MYT1: variants seen among roughly 807,000 people sequenced by gnomAD.
The protein encoded by MYT1 is myelin transcription factor 1.
Under a neutral mutation model 123.0 loss-of-function variants are expected in MYT1, and 23 were observed. That is an observed-to-expected ratio of 0.19 (90% CI 0.13 to 0.26). MYT1 has a LOEUF of 0.26. Among genes scored for constraint, MYT1 ranks in the 10% least tolerant of loss-of-function variants. MYT1 has a pLI of 1.00. For synonymous variants in MYT1, 518 were observed against 575.3 expected, an observed-to-expected ratio of 0.90 and a Z score of 1.43; for missense variants, 1,125 against 1,472.5, an observed-to-expected ratio of 0.76 and a Z score of 3.86.
chr20:64,195,665 G>C (rs928296305), intron 2 of MYT1, among the ~76,000 whole-genome samples: 1 of 151,964 alleles, frequency 6.6e-6, no homozygotes, highest in Admixed American at 6.6e-5. Context: ...TAAAGTGCTG[G>C]GATTACAGAC....
intron 13 of MYT1, among the ~76,000 whole-genome samples, chr20:64,220,986 C>A (rs2145724960): frequency 6.6e-6 from 1 of 152,322 alleles, no homozygotes; most frequent in East Asian, 1.9e-4. Flanking sequence ...TCCTTACCGG[C>A]CCTCACACCA....
chr20:64,170,916 GA>G (rs1982254063), intron 1 of MYT1, among the ~76,000 whole-genome samples: 1 of 134,866 alleles, frequency 7.4e-6, no homozygotes, highest in Non-Finnish European at 1.6e-5. Context: ...GAGAGAGAGA[GA>G]GAGAGAGAGA....
chr20:64,221,214 G>T (rs1199992621), intron 13 of MYT1, among the ~76,000 whole-genome samples: 1 of 152,164 alleles, frequency 6.6e-6, no homozygotes, highest in African/African-American at 2.4e-5. Flanking sequence ...GCGAGTGCCT[G>T]TCAGGACAGG....
rs974272346 is a variant in MYT1 at position 64,168,095 on chromosome 20, G to T, written c.-99+3356G>T. On this transcript the variant is annotated intron_variant, in intron 1 of 22. Transcript: ENST00000328439. The surrounding 1 kb of genome is among the most constrained non-coding windows in gnomAD (Gnocchi z 6.1). ...GAATGTGCTTTCACGGCCTCTTGAG[G>T]TTCCCGGCATTTTTCTGTCTTTCAG... Among the ~76,000 whole-genome samples, 1 of 152,212 alleles carries T rather than the reference G, an allele frequency of 6.6e-6. No individual in the cohort carries two copies. Among genetic ancestry groups the T allele is most frequent in the Non-Finnish European group, 1.5e-5 (1 of 68,042 alleles).
intron 19 of MYT1, among the ~76,000 whole-genome samples, 191 bp from the exon 20 acceptor site, chr20:64,236,364 G>A (rs1314868477): frequency 3.4e-5 from 5 of 147,500 alleles, no homozygotes; most frequent in South Asian, 2.2e-4. Flanking sequence ...GGATGGCCGC[G>A]GTGGGTGACC....
At chr20:64,233,088 T>C (rs1984370137) in intron 19 of MYT1, among the ~76,000 whole-genome samples, 1 of 134,604 alleles carries the variant, frequency 7.4e-6, no homozygotes, top group African/African-American at 2.9e-5. Context: ...TTCCCTCCCC[T>C]GTCCCTCCCC....
At chr20:64,165,397 G>A (rs1160471657) in intron 1 of MYT1, among the ~76,000 whole-genome samples, 1 of 152,148 alleles carries the variant, frequency 6.6e-6, no homozygotes, top group Non-Finnish European at 1.5e-5. Flanking sequence ...TGTTTATGGT[G>A]GTAGTGTAAC....
chr20:64,213,246 T>G lies in MYT1; in HGVS notation c.1518-288T>G, dbSNP rs1287240391. ...AGAGGAGGCATCTTTGCCCAGAGCTTTCAAGGCCTTTAGGATATATTTCAT... is the reference window on the plus strand; with the variant it reads ...AGAGGAGGCATCTTTGCCCAGAGCTGTCAAGGCCTTTAGGATATATTTCAT... On this transcript the variant is annotated intron_variant, in intron 9 of 22. Coordinates refer to ENST00000328439, the MANE Select transcript of MYT1 (RefSeq NM_004535.3). This position sits in a 1 kb window ranked among gnomAD's most constrained non-coding sequence, Gnocchi z 5.6. Among the ~76,000 whole-genome samples the G allele has an allele frequency of 6.6e-6, 1 of 152,150 alleles. No individual in the cohort carries two copies. The highest frequency in any genetic ancestry group is 2.4e-5 in the African/African-American group (1 of 41,436).
chr20:64,194,957 G>A (rs561393182), intron 2 of MYT1, among the ~76,000 whole-genome samples: 10 of 152,158 alleles, frequency 6.6e-5, no homozygotes, highest in East Asian at 3.9e-4. Flanking sequence ...GTGCAGTGGC[G>A]TGTTCTCAGC....
At chr20:64,164,963 CTGT>C (rs1234208003) in intron 1 of MYT1, among the ~76,000 whole-genome samples, 3 of 152,114 alleles carry the variant, frequency 2.0e-5, no homozygotes, top group Non-Finnish European at 2.9e-5. Flanking sequence ...TCCTGTCTCT[CTGT>C]TGTTCATGCT....
At chr20:64,228,074 C>A in intron 18 of MYT1, 103 bp downstream of exon 18, 2 of 1,122,922 alleles carry the variant, frequency 1.8e-6, no homozygotes, top group Non-Finnish European at 2.6e-6. Flanking sequence ...TTCATTAATA[C>A]AACGGGTCAC....
Position 64,182,734 on chromosome 20 carries a change from C to T in MYT1, c.-98-7329C>T, listed in dbSNP as rs151275017. On this transcript the variant is annotated intron_variant, in intron 1 of 22. Coordinates refer to ENST00000328439, the MANE Select transcript of MYT1 (RefSeq NM_004535.3). ...AAGGTGGTCCAGTTTGGGGTTGAGGCGCAGCGGTCCAGAGGCTGGCCCAGG... is the reference window on the plus strand; with the variant it reads ...AAGGTGGTCCAGTTTGGGGTTGAGGTGCAGCGGTCCAGAGGCTGGCCCAGG... Among the ~76,000 whole-genome samples the T allele has an allele frequency of 1.7e-3, 259 of 152,194 alleles. 1 individual carries two copies. The highest frequency in any genetic ancestry group is 6.0e-3 in the African/African-American group (249 of 41,518).
chr20:64,200,743 G>A (rs1487470241), intron 4 of MYT1, among the ~76,000 whole-genome samples: 1 of 152,212 alleles, frequency 6.6e-6, no homozygotes, highest in Non-Finnish European at 1.5e-5. Flanking sequence ...AACGGACTCA[G>A]GGGTTAACCT....
chr20:64,176,726 G>C (rs1246179735), intron 1 of MYT1, among the ~76,000 whole-genome samples: 1 of 152,242 alleles, frequency 6.6e-6, no homozygotes, highest in African/African-American at 2.4e-5. Flanking sequence ...CCCGGCCTGG[G>C]TGTGAGGCCT....
intron 7 of MYT1, among the ~76,000 whole-genome samples, chr20:64,209,710 C>A (rs989716753): frequency 3.9e-5 from 6 of 152,136 alleles, no homozygotes; most frequent in Non-Finnish European, 5.9e-5. Context: ...AGAGACAGAC[C>A]TGAGTGAGAC....
In MYT1 at chr20:64,207,628, C is replaced by T; in HGVS notation, c.432C>T (p.Asn144=). 1 of 1,613,852 alleles carries T rather than the reference C, an allele frequency of 6.2e-7. No individual in the cohort carries two copies. The highest frequency in any genetic ancestry group is 8.5e-7 in the Non-Finnish European group (1 of 1,179,980). Residue 144 remains asparagine, a synonymous_variant, in exon 7 of 23, where the codon AAC becomes AAT. Transcript: ENST00000328439. ...RSPVKSHFGS[N]PIGSATASSK... is the part of the protein sequence containing the mutation. ...CCGTCAAGTCCCATTTTGGATCCAA[C>T]CCCATCGGCAGCGCCACTGCCTCCT...
At chr20:64,234,896 A>C (rs1192007901) in intron 19 of MYT1, among the ~76,000 whole-genome samples, 346 of 59,180 alleles carry the variant, frequency 5.8e-3, no homozygotes, top group Middle Eastern at 0.015. Flanking sequence ...GGTGGGTGAC[A>C]CTGGGCTGGT....
At chr20:64,177,532 C>A (rs1264592213) in intron 1 of MYT1, among the ~76,000 whole-genome samples, 1 of 138,436 alleles carries the variant, frequency 7.2e-6, no homozygotes, top group African/African-American at 2.6e-5. Flanking sequence ...GAGGAAGAGG[C>A]CCTCGGGGCG....
intron 21 of MYT1, among the ~76,000 whole-genome samples, chr20:64,239,304 G>T (rs547555878): frequency 1.3e-5 from 2 of 152,152 alleles, no homozygotes; most frequent in Non-Finnish European, 2.9e-5. Flanking sequence ...TCCACGGGGG[G>T]GTGCAGTGAT....
Sources: gnomAD v4.1 joint callset for allele counts (sites outside exome capture counted in the v4.1 genomes callset) on GRCh38, gnomAD v4.1.1 for gene constraint, Gnocchi (gnomAD v3.1) non-coding constraint, MANE v1.5 for transcripts, NCBI Gene and HGNC (gene_info 2026-07-23, HGNC 2026-07-21) for gene names.